Variants in ZXDC observed in about 807,000 individuals in gnomAD.
The protein encoded by ZXDC is ZXD family zinc finger C.
In ZXDC, 58 loss-of-function variants were observed where a neutral mutation model predicts 63.6. The observed-to-expected ratio is 0.91, with a 90% CI of 0.74 to 1.13. ZXDC has a LOEUF of 1.13. Among genes scored for constraint, ZXDC ranks in the 50% most tolerant of loss-of-function variants. ZXDC has a pLI of 0.00. For missense variants in ZXDC, 1,133 were observed against 1,148.9 expected, an observed-to-expected ratio of 0.99 and a Z score of 0.20; for synonymous variants, 561 against 496.1, an observed-to-expected ratio of 1.13 and a Z score of -1.74.
At chr3:126,452,564 G>A (rs981229083) in intron 7 of ZXDC, 23 of 982,088 alleles carry the variant, frequency 2.3e-5, no homozygotes, top group Admixed American at 6.2e-5. Context: ...GTTATTCACC[G>A]ATCTATTATT....
At chr3:126,467,801 C>A (rs1195813891) in intron 4 of ZXDC, among the ~76,000 whole-genome samples, 3 of 152,090 alleles carry the variant, frequency 2.0e-5, no homozygotes, top group African/African-American at 4.8e-5. Context: ...GGGTCCTGAG[C>A]ACGGATTTCT....
chr3:126,464,824 A>G (rs1272472998), intron 5 of ZXDC, among the ~76,000 whole-genome samples: 1 of 152,202 alleles, frequency 6.6e-6, no homozygotes, highest in Non-Finnish European at 1.5e-5. Context: ...GGTGGCACGC[A>G]CATTCCGTGT....
At chr3:126,469,140 G>A (rs373775966) in intron 4 of ZXDC, among the ~76,000 whole-genome samples, 18 of 152,276 alleles carry the variant, frequency 1.2e-4, no homozygotes, top group African/African-American at 3.6e-4. Flanking sequence ...ACCTACTTAC[G>A]TGGCAAACTT....
chr3:126,448,786 G>A (rs908378699), intron 7 of ZXDC, among the ~76,000 whole-genome samples: 2 of 152,228 alleles, frequency 1.3e-5, no homozygotes, highest in Non-Finnish European at 2.9e-5. Flanking sequence ...AAACTCCCAC[G>A]GAAGCAGAGC....
At chr3:126,441,307 C>T (rs759694376) in intron 8 of ZXDC, 5 of 995,290 alleles carry the variant, frequency 5.0e-6, no homozygotes, top group Non-Finnish European at 6.0e-6. Context: ...CCACCACCTT[C>T]AGCATAGAAA....
At chr3:126,454,380 A>G in intron 7 of ZXDC, 2 of 985,424 alleles carry the variant, frequency 2.0e-6, no homozygotes, top group Non-Finnish European at 2.4e-6. Flanking sequence ...TAGGCTACAC[A>G]TGAACAGCAA....
chr3:126,439,422 C>G (rs567510788), intron 9 of ZXDC, among the ~76,000 whole-genome samples: 2 of 152,290 alleles, frequency 1.3e-5, no homozygotes, highest in Non-Finnish European at 2.9e-5. Flanking sequence ...CCTGCTTTGT[C>G]TACCAGCAGG....
chr3:126,467,363 C>T (rs6439013), intron 4 of ZXDC, among the ~76,000 whole-genome samples: 10,790 of 152,132 alleles, frequency 0.071, 511 homozygotes, highest in Non-Finnish European at 0.1. Context: ...TTCTGTGAAA[C>T]GGGAGTGACA....
In ZXDC at chr3:126,453,673, G is replaced by A. The variant is rs529049866; in HGVS notation, c.2212+5980C>T. On this transcript the variant is annotated intron_variant, in intron 7 of 9. Transcript: ENST00000389709. Reference sequence around the variant, plus strand: ...AAACACATGGCCTATCCATTTTCCTGTATTTGTAATTAGCTTTTATTTTTT... The same window carrying A: ...AAACACATGGCCTATCCATTTTCCTATATTTGTAATTAGCTTTTATTTTTT... The A allele has an allele frequency of 1.6e-5, 16 of 985,212 alleles. No individual in the cohort carries two copies. In the South Asian group the frequency reaches 6.6e-4, roughly 41 times the overall value. The allele number at this position is 985,212 out of a possible 1,614,324, so 61.0% of individuals were successfully genotyped here. A position where few individuals can be genotyped will look rare whatever the true frequency, so the allele number is the denominator to read the frequency against.
At chr3:126,463,147 C>A (rs1934623404) in intron 5 of ZXDC, among the ~76,000 whole-genome samples, 1 of 152,040 alleles carries the variant, frequency 6.6e-6, no homozygotes, top group Non-Finnish European at 1.5e-5. Flanking sequence ...CGGCTCACTG[C>A]AAGCTCCGCC....
chr3:126,474,858 C>T (rs1164229359), intron 1 of ZXDC, 101 bp downstream of exon 1: 13 of 1,337,272 alleles, frequency 9.7e-6, no homozygotes, highest in Non-Finnish European at 1.3e-5. Context: ...CCTGCGTCCC[C>T]GGCTTGCTAA....
At position 126,460,998 on chromosome 3, in the gene ZXDC, A is replaced by T. The variant is rs6790677; in HGVS notation, c.2127+537T>A. On this transcript the variant is annotated intron_variant, in intron 6 of 9. Transcript: ENST00000389709. ...TTAAATTATATTAAATGTATAATTGATATAAAGTATATTAACTGTCCAGCC... is the reference window on the plus strand; with the variant it reads ...TTAAATTATATTAAATGTATAATTGTTATAAAGTATATTAACTGTCCAGCC... 3,342 of 976,864 alleles carry T rather than the reference A, an allele frequency of 3.4e-3. 84 individuals carry two copies. The African/African-American group carries it at 0.048, about 14-fold the overall frequency. The allele number at this position is 976,864 out of a possible 1,614,324, so 60.5% of individuals were successfully genotyped here.
At chr3:126,457,383 G>GT (rs1463951045) in intron 7 of ZXDC, 1 of 985,310 alleles carries the variant, frequency 1.0e-6, no homozygotes, top group African/African-American at 1.7e-5. Context: ...GAAGACACCA[G>GT]TGCCCTGCAT....
At chr3:126,441,006 G>T in intron 8 of ZXDC, 14 of 985,560 alleles carry the variant, frequency 1.4e-5, no homozygotes, top group Non-Finnish European at 1.6e-5. Flanking sequence ...CTACAAAGTG[G>T]AGTGGTGAAG....
chr3:126,458,237 CT>C (rs11289191), intron 7 of ZXDC, among the ~76,000 whole-genome samples: 108,931 of 116,168 alleles, frequency 0.94, 50,927 homozygotes, highest in South Asian at 0.97. Flanking sequence ...AATGTCCTTA[CT>C]TTTTTTTTTT....
In ZXDC at chr3:126,471,018, C is replaced by G; in HGVS notation, c.1147G>C (p.Asp383His). The G allele has an allele frequency of 1.2e-6, 2 of 1,613,932 alleles. No individual in the cohort carries two copies. The highest frequency in any genetic ancestry group is 1.7e-6 in the Non-Finnish European group (2 of 1,179,806). ...GGGCAGGTAAACCTCCGGTCATCGT[C>G]ATGTTTCCTGCCAGACAGAAAAATA... ...SKLLRHRRKH[D>H]DDRRFTCPVE... The change falls in exon 4 of 10, where the codon GAC becomes CAC. Residue 383 changes from aspartate to histidine, a missense_variant. Physicochemically the swap from Asp to His is moderately conservative, Grantham distance 81. Transcript: ENST00000389709.
At position 126,461,522 on chromosome 3, in the gene ZXDC, G is replaced by C. The variant is rs371631740; in HGVS notation, c.2127+13C>G. Reference sequence around the variant, plus strand: ...TGACCTATATGGTGGTGACTGAATAGAGTGCTTCATACCAAATAGAAGTTG... The same window carrying C: ...TGACCTATATGGTGGTGACTGAATACAGTGCTTCATACCAAATAGAAGTTG... On this transcript the variant is annotated intron_variant, in intron 6 of 9. Coordinates refer to ENST00000389709, the MANE Select transcript of ZXDC (RefSeq NM_025112.5). 2 of 1,597,980 alleles carry C rather than the reference G, an allele frequency of 1.3e-6. No individual in the cohort carries two copies. Among genetic ancestry groups the C allele is most frequent in the African/African-American group, 2.7e-5 (2 of 74,576 alleles).
chr3:126,468,429 A>G (rs1031896165), intron 4 of ZXDC, among the ~76,000 whole-genome samples: 3 of 152,110 alleles, frequency 2.0e-5, no homozygotes, highest in African/African-American at 7.2e-5. Context: ...CAACCCCAAG[A>G]ATGATCAACT....
chr3:126,451,779 C>T (rs942247963), intron 7 of ZXDC: 10 of 985,236 alleles, frequency 1.0e-5, no homozygotes, highest in Admixed American at 6.2e-5. Context: ...TCTGTGCGGA[C>T]GTGTCTCTGT....
Sources: gnomAD v4.1 joint callset for allele counts (sites outside exome capture counted in the v4.1 genomes callset) on GRCh38, gnomAD v4.1.1 for gene constraint, MANE v1.5 for transcripts, NCBI Gene and HGNC (gene_info 2026-07-23, HGNC 2026-07-21) for gene names.